Variants in DAB1 observed in about 807,000 individuals in gnomAD.
The protein encoded by DAB1 is DAB adaptor protein 1.
Under a neutral mutation model 64.6 loss-of-function variants are expected in DAB1, and 15 were observed. The observed-to-expected ratio is 0.23, with a 90% CI of 0.16 to 0.36. The LOEUF is 0.36. DAB1 is among the 10% of genes least tolerant of loss of function. DAB1 has a pLI of 1.00. For missense variants in DAB1, 596 were observed against 706.7 expected (o/e 0.84, Z 1.78); for synonymous variants, 235 against 251.9 (o/e 0.93, Z 0.64).
At chr1:58,053,262 A>G (rs1647812024) in intron 5 of DAB1, among the ~76,000 whole-genome samples, 1 of 152,152 alleles carries the variant, frequency 6.6e-6, no homozygotes, top group Non-Finnish European at 1.5e-5. Flanking sequence ...GAGGCTGGAT[A>G]ATTTGTAAAG....
chr1:57,905,781 A>T (rs894352232), intron 5 of DAB1, among the ~76,000 whole-genome samples: 2 of 152,170 alleles, frequency 1.3e-5, no homozygotes, highest in Non-Finnish European at 2.9e-5. Context: ...CCAGCAAAAG[A>T]CATGAAAAGA....
chr1:57,851,862 C>A (rs1477852226), intron 1 of DAB1, among the ~76,000 whole-genome samples: 1 of 152,150 alleles, frequency 6.6e-6, no homozygotes, highest in Non-Finnish European at 1.5e-5. Flanking sequence ...CATCAGAATG[C>A]ATTTTGCCCT....
chr1:58,166,402 A>G (rs1557678975), intron 4 of DAB1, among the ~76,000 whole-genome samples: 1 of 152,236 alleles, frequency 6.6e-6, no homozygotes, highest in Non-Finnish European at 1.5e-5. Context: ...TGTTACAAAT[A>G]GAATTGTATG....
chr1:57,598,199 G>T (rs542136673), intron 7 of DAB1, among the ~76,000 whole-genome samples: 1 of 152,314 alleles, frequency 6.6e-6, no homozygotes, highest in South Asian at 2.1e-4. Context: ...AGCCAGGATG[G>T]TCTCGATCTC....
intron 11 of DAB1, among the ~76,000 whole-genome samples, chr1:57,018,243 A>T (rs1159365278): frequency 1.3e-5 from 2 of 152,186 alleles, no homozygotes; most frequent in Non-Finnish European, 2.9e-5. Context: ...GGAAAATGGC[A>T]GTGCCTGACA....
intron 6 of DAB1, among the ~76,000 whole-genome samples, chr1:57,699,768 C>T (rs1420805321): frequency 6.6e-6 from 1 of 152,036 alleles, no homozygotes. Flanking sequence ...CAAAAATTAG[C>T]TCGGCGTGGT....
At chr1:57,685,705 G>A (rs1178068633) in intron 6 of DAB1, among the ~76,000 whole-genome samples, 1 of 151,754 alleles carries the variant, frequency 6.6e-6, no homozygotes, top group African/African-American at 2.4e-5. Flanking sequence ...ATAATACCCA[G>A]CACACACTCA....
At chr1:57,335,739 C>T (rs947126136) in intron 1 of DAB1, among the ~76,000 whole-genome samples, 1 of 152,136 alleles carries the variant, frequency 6.6e-6, no homozygotes, top group African/African-American at 2.4e-5. Context: ...ATTAAAAGGT[C>T]GAGAATCCAC....
intron 1 of DAB1, among the ~76,000 whole-genome samples, chr1:57,336,143 T>C (rs1289547820): frequency 6.6e-6 from 1 of 152,118 alleles, no homozygotes; most frequent in Non-Finnish European, 1.5e-5. Flanking sequence ...AAATTTCCCC[T>C]TGTTATTTTT....
intron 8 of DAB1, among the ~76,000 whole-genome samples, chr1:57,068,203 C>T (rs973316023): frequency 4.6e-5 from 7 of 152,162 alleles, no homozygotes; most frequent in African/African-American, 7.2e-5. Flanking sequence ...GTTTTTTCCT[C>T]CTCATATTCA....
chr1:57,507,612 T>C lies in DAB1; in HGVS notation n.625+141980A>G, dbSNP rs190440142. 3.2e-4 allele frequency among the ~76,000 whole-genome samples: 48 copies of C among 152,296 alleles called. 1 individual carries two copies. In the East Asian group the frequency reaches 9.1e-3, roughly 29 times the overall value. ...TCCCCTGGAAATGCACTCAGCATCA[T>C]CCTTTCCCTCTGACAAGTAGAGGTC... On this transcript the variant is annotated intron_variant and non_coding_transcript_variant, in intron 7 of 20. Coordinates refer to the DAB1 transcript ENST00000485760.
intron 1 of DAB1, among the ~76,000 whole-genome samples, chr1:58,538,551 C>T (rs901158332): frequency 1.4e-4 from 22 of 151,778 alleles, no homozygotes; most frequent in Non-Finnish European, 5.9e-5. Flanking sequence ...TATTTCTATA[C>T]CATAAATTAG....
chr1:57,138,966 A>G (rs1658358114), intron 3 of DAB1, among the ~76,000 whole-genome samples: 1 of 152,090 alleles, frequency 6.6e-6, no homozygotes, highest in Non-Finnish European at 1.5e-5. Context: ...TAAAGCAGGA[A>G]CTCAAAGAGA....
At chr1:57,743,007 C>A (rs1648076973) in intron 6 of DAB1, among the ~76,000 whole-genome samples, 1 of 152,102 alleles carries the variant, frequency 6.6e-6, no homozygotes, top group African/African-American at 2.4e-5. Context: ...ATGTAGACAT[C>A]GGTTATTGGT....
chr1:58,312,229 T>A (rs1662446556), intron 4 of DAB1, among the ~76,000 whole-genome samples: 2 of 152,210 alleles, frequency 1.3e-5, no homozygotes, highest in African/African-American at 4.8e-5. Flanking sequence ...GCAGTTCTGA[T>A]GTTCCCAAAG....
intron 7 of DAB1, among the ~76,000 whole-genome samples, chr1:57,462,399 T>C (rs985120251): frequency 2.0e-5 from 3 of 152,202 alleles, no homozygotes; most frequent in Non-Finnish European, 4.4e-5. Context: ...AATCAGTGGT[T>C]TTTAAACTAT....
chr1:57,494,026 C>G (rs182895931), intron 7 of DAB1, among the ~76,000 whole-genome samples: 10 of 152,080 alleles, frequency 6.6e-5, no homozygotes, highest in Non-Finnish European at 1.2e-4. Flanking sequence ...TTCCAAAGTG[C>G]GTGTGGGGGT....
At chr1:57,786,342 A>G (rs1414278129) in intron 6 of DAB1, among the ~76,000 whole-genome samples, 1 of 152,168 alleles carries the variant, frequency 6.6e-6, no homozygotes, top group East Asian at 1.9e-4. Context: ...CAGTGTACCA[A>G]TATAGATGCT....
At chr1:58,204,046 T>C (rs2100271693) in intron 4 of DAB1, among the ~76,000 whole-genome samples, 1 of 152,328 alleles carries the variant, frequency 6.6e-6, no homozygotes, top group Admixed American at 6.5e-5. Flanking sequence ...AGACATTACC[T>C]GTAATAATTA....
Sources: gnomAD v4.1 joint callset for allele counts (sites outside exome capture counted in the v4.1 genomes callset) on GRCh38, gnomAD v4.1.1 for gene constraint, MANE v1.5 for transcripts, NCBI Gene and HGNC (gene_info 2026-07-23, HGNC 2026-07-21) for gene names.